The following AGAP3 variants were observed in gnomAD, a reference collection of about 807,000 sequenced individuals.
AGAP3 encodes the protein ArfGAP with GTPase domain, ankyrin repeat and PH domain 3.
In AGAP3, 24 loss-of-function variants were observed where a neutral mutation model predicts 96.9. That is an observed-to-expected ratio of 0.25 (90% CI 0.18 to 0.35). The LOEUF is 0.35. AGAP3 is among the 10% of genes least tolerant of loss of function. The pLI is 1.00. For missense variants in AGAP3, 876 were observed against 1,254.2 expected (o/e 0.70, Z 4.55); for synonymous variants, 563 against 536.1 (o/e 1.05, Z -0.69).
intron 9 of AGAP3, among the ~76,000 whole-genome samples, chr7:151,126,360 C>CGG (rs1800172837): frequency 6.6e-4 from 6 of 9,106 alleles, no homozygotes; most frequent in Non-Finnish European, 9.8e-4. Context: ...CAGAGCGGAG[C>CGG]AGAGCAGAGC....
chr7:151,090,981 C>T (rs1056754219), intron 1 of AGAP3, among the ~76,000 whole-genome samples: 5 of 152,174 alleles, frequency 3.3e-5, no homozygotes, highest in South Asian at 2.1e-4. Flanking sequence ...AAACGGCATA[C>T]GCCCTGGCAT....
intron 9 of AGAP3, among the ~76,000 whole-genome samples, chr7:151,127,193 A>G (rs1800213927): frequency 6.6e-6 from 1 of 152,082 alleles, no homozygotes; most frequent in South Asian, 2.1e-4. Flanking sequence ...TGAATCCAGT[A>G]TTTACCCCCC....
intron 10 of AGAP3, among the ~76,000 whole-genome samples, chr7:151,131,637 AT>A (rs1316541971): frequency 1.3e-5 from 2 of 152,158 alleles, no homozygotes; most frequent in African/African-American, 4.8e-5. Context: ...AGGGCGTGGA[AT>A]CCGGGGCTGT....
In AGAP3 at chr7:151,128,272, C is replaced by T. The variant is rs1332338544; in HGVS notation, c.1222-308C>T. ...TACACCTCCGATCATCTACACCCGA[C>T]GGTCTACACCCCTGACAGGCTTCTC... On this transcript the variant is annotated intron_variant, in intron 9 of 17. Transcript: ENST00000397238. 19 of 361,898 alleles carry T rather than the reference C, an allele frequency of 5.3e-5. No homozygotes were observed. In the East Asian group the frequency reaches 6.0e-4, roughly 11 times the overall value. 22.4% of individuals were successfully genotyped at this position (361,898 alleles called of 1,614,324 possible). A position where few individuals can be genotyped will look rare whatever the true frequency, so the allele number is the denominator to read the frequency against.
intron 10 of AGAP3, among the ~76,000 whole-genome samples, chr7:151,131,466 G>C (rs1439755161): frequency 6.6e-6 from 1 of 152,164 alleles, no homozygotes; most frequent in Non-Finnish European, 1.5e-5. Flanking sequence ...AAAGGCAGCC[G>C]TGGTGACCGC....
intron 1 of AGAP3, among the ~76,000 whole-genome samples, chr7:151,100,800 C>T (rs1480718255): frequency 6.6e-6 from 1 of 152,156 alleles, no homozygotes; most frequent in African/African-American, 2.4e-5. Context: ...TGAGATTGCA[C>T]CACTGCATTC....
rs1444990115 is a variant in AGAP3 at position 151,141,529 on chromosome 7, T to C, written c.1805-369T>C. 1 of 255,394 alleles carries C rather than the reference T, an allele frequency of 3.9e-6. No individual in the cohort carries two copies. The highest frequency in any genetic ancestry group is 7.7e-6 in the Non-Finnish European group (1 of 130,576). 15.8% of individuals were successfully genotyped at this position (255,394 alleles called of 1,614,324 possible). ...CCCGCCTTCCCCCACCCTCTCCCAG[T>C]GTTTGCCTCCTAGCACCCCGTCACA... On this transcript the variant is annotated intron_variant, in intron 13 of 17. Coordinates refer to ENST00000397238, the MANE Select transcript of AGAP3 (RefSeq NM_031946.7). This position sits in a 1 kb window ranked among gnomAD's most constrained non-coding sequence, Gnocchi z 4.2.
chr7:151,142,036 G>A lies in AGAP3; in HGVS notation c.1943G>A (p.Arg648His), dbSNP rs779165451. The A allele has an allele frequency of 2.8e-5, 45 of 1,613,604 alleles. 1 individual carries two copies. Among genetic ancestry groups the A allele is most frequent in the Middle Eastern group, 3.3e-4 (2 of 6,084 alleles). The change falls in exon 14 of 18, where the codon CGC becomes CAC. Residue 648 changes from arginine (R) to histidine (H), a missense_variant. Arg to His is a conservative substitution (Grantham distance 29). This residue lies in a region of AGAP3 where 103 missense variants were observed against 183.0 expected (regional missense o/e 0.56). Transcript: ENST00000397238. This position sits in a 1 kb window ranked among gnomAD's most constrained non-coding sequence, Gnocchi z 7.5. ...ATCCTTGCCAGCCTGCAAGGCTGCC[G>A]CAGTGCCAAGGACAAGGTGGGTACA... is the stretch of plus-strand genomic sequence containing the variant. ...AQILASLQGC[R>H]SAKDKTRLGN...
chr7:151,107,811 C>A lies in AGAP3; in HGVS notation c.332-8982C>A, dbSNP rs140599373. ...CAGAGAGAACCACATTTTTAAATGT[C>A]GAAAGTGTAGGCGATGGGTCAGTTA... is the stretch of plus-strand genomic sequence containing the variant. On this transcript the variant is annotated intron_variant, in intron 1 of 17. Coordinates refer to ENST00000397238, the MANE Select transcript of AGAP3 (RefSeq NM_031946.7). 6.1e-3 allele frequency among the ~76,000 whole-genome samples: 931 copies of A among 152,244 alleles called. 13 individuals are homozygous for A. Among genetic ancestry groups the A allele is most frequent in the Non-Finnish European group, 7.8e-3 (533 of 68,026 alleles).
rs765989318 is a variant in AGAP3, at chr7:151,141,432, C to A, written c.1805-466C>A. The A allele has an allele frequency of 3.6e-5, 6 of 168,476 alleles. No individual in the cohort carries two copies. Among genetic ancestry groups the A allele is most frequent in the Non-Finnish European group, 7.7e-5 (6 of 78,340 alleles). 10.4% of individuals were successfully genotyped at this position (168,476 alleles called of 1,614,324 possible). A position where few individuals can be genotyped will look rare whatever the true frequency, so the allele number is the denominator to read the frequency against. ...GCTCCCAGGAGCCCCACGCTGACGC[C>A]GTCAGGAATATTGGGTTTAATGAGC... On this transcript the variant is annotated intron_variant, in intron 13 of 17. Transcript: ENST00000397238. The surrounding 1 kb of genome is among the most constrained non-coding windows in gnomAD (Gnocchi z 4.2).
chr7:151,095,032 TC>T (rs1284126684), intron 1 of AGAP3, among the ~76,000 whole-genome samples: 1 of 152,040 alleles, frequency 6.6e-6, no homozygotes, highest in Non-Finnish European at 1.5e-5. Context: ...TGTCACCACA[TC>T]TGGCTAATAA....
chr7:151,129,442 C>T (rs1800314731), intron 10 of AGAP3, among the ~76,000 whole-genome samples: 1 of 152,144 alleles, frequency 6.6e-6, no homozygotes, highest in African/African-American at 2.4e-5. Context: ...TCCTGGCCAT[C>T]ACCCAGGCCC....
chr7:151,123,720 G>GGCCGGGAAGTCCA, intron 8 of AGAP3, 74 bp from the exon 9 acceptor site: 1 of 1,592,096 alleles, frequency 6.3e-7, no homozygotes, highest in Non-Finnish European at 8.6e-7. Flanking sequence ...GCAGGAGGGA[G>GGCCGGGAAGTCCA]GCCGGGAAGT....
intron 1 of AGAP3, among the ~76,000 whole-genome samples, chr7:151,099,293 A>C (rs2150418568): frequency 6.6e-6 from 1 of 150,938 alleles, no homozygotes; most frequent in African/African-American, 2.4e-5. Flanking sequence ...CAGTGAGCCG[A>C]GATCACGCCA....
intron 8 of AGAP3, chr7:151,120,723 G>T: frequency 8.2e-7 from 1 of 1,215,488 alleles, no homozygotes; most frequent in Non-Finnish European, 1.1e-6. Context: ...GCTTCACCAC[G>T]CTGCCTCGTT....
At chr7:151,128,550 C>T (rs1702617881) in intron 9 of AGAP3, 30 bp from the exon 10 acceptor site, 11 of 1,604,098 alleles carry the variant, frequency 6.9e-6, no homozygotes, top group Non-Finnish European at 8.5e-6. Flanking sequence ...GGGGCTGGCT[C>T]CTGGTTTCTG....
In AGAP3 at chr7:151,141,970, C is replaced by A; in HGVS notation, c.1877C>A (p.Ala626Glu). ...GQTWHFEAST[A>E]EERELWVQSV... is the part of the protein sequence containing the mutation. ...ACGTGGCACTTCGAGGCTTCAACGG[C>A]GGAGGAGCGGGAGCTGTGGGTTCAG... The change falls in exon 14 of 18, where the codon GCG (alanine) becomes GAG (glutamate). Residue 626 changes from alanine (A) to glutamate (E), a missense_variant. Ala to Glu is a moderately radical substitution (Grantham distance 107, BLOSUM62 -1). Coordinates refer to ENST00000397238, the MANE Select transcript of AGAP3 (RefSeq NM_031946.7). The surrounding 1 kb of genome is among the most constrained non-coding windows in gnomAD (Gnocchi z 4.2). 2 of 1,614,134 alleles carry A rather than the reference C, an allele frequency of 1.2e-6. No homozygotes were observed. Among genetic ancestry groups the A allele is most frequent in the Non-Finnish European group, 1.7e-6 (2 of 1,180,010 alleles).
rs762299421 is a variant in AGAP3 at position 151,117,478 on chromosome 7, A to G, written c.564+22A>G. ...CCAGGTGATGCTCCTGCCCAGGGTT[A>G]GGGCCCACCGCTGTGCCTGGAGCCC... is the stretch of plus-strand genomic sequence containing the variant. On this transcript the variant is annotated intron_variant, in intron 4 of 17. Transcript: ENST00000397238. 4.3e-6 allele frequency: 7 copies of G among 1,613,874 alleles called. No homozygotes were observed. In the South Asian group the frequency reaches 4.4e-5, roughly 10 times the overall value.
At chr7:151,125,732 TA>T (rs956849483) in intron 9 of AGAP3, among the ~76,000 whole-genome samples, 13 of 152,260 alleles carry the variant, frequency 8.5e-5, no homozygotes, top group Non-Finnish European at 7.3e-5. Flanking sequence ...CTCCCGGTTC[TA>T]TTCCTTCCCC....
Sources: gnomAD v4.1 joint callset for allele counts (sites outside exome capture counted in the v4.1 genomes callset) on GRCh38, gnomAD v4.1.1 for gene constraint, gnomAD v4.1.1 regional missense constraint, Gnocchi (gnomAD v3.1) non-coding constraint, MANE v1.5 for transcripts, NCBI Gene and HGNC (gene_info 2026-07-23, HGNC 2026-07-21) for gene names.